The following ADAM22 variants were observed in gnomAD, a reference collection of about 807,000 sequenced individuals.
ADAM22 encodes the protein ADAM metallopeptidase domain 22, also known as disintegrin and metalloproteinase domain-containing protein 22.
ADAM22 carries 65 observed loss-of-function variants against 144.6 expected under a neutral mutation model. The ratio of observed to expected loss-of-function variants is 0.45; its 90% confidence interval spans 0.37 to 0.55. ADAM22 has a LOEUF of 0.55. ADAM22 is among the 20% of genes least tolerant of loss of function. The probability of loss-of-function intolerance (pLI) is 0.00; values close to 1 mark genes in which losing one functional copy is unlikely to be tolerated. For missense variants in ADAM22, 974 were observed against 1,184.9 expected, an observed-to-expected ratio of 0.82 and a Z score of 2.61; for synonymous variants, 391 against 412.6, an observed-to-expected ratio of 0.95 and a Z score of 0.63.
At position 88,145,159 on chromosome 7, in the gene ADAM22, T is replaced by C. The variant is rs370077891; in HGVS notation, c.1355T>C (p.Ile452Thr). 6.1e-5 allele frequency: 98 copies of C among 1,613,844 alleles called. No homozygotes were observed. Among genetic ancestry groups the C allele is most frequent in the South Asian group, 2.4e-4 (22 of 91,046 alleles). The change falls in exon 16 of 32, where the codon ATT becomes ACT. Residue 452 changes from isoleucine (I) to threonine (T), a missense_variant. Around this residue, in one of 2 missense-constraint regions of ADAM22, gnomAD observed 734 missense variants for 950.6 expected, o/e 0.77. Coordinates refer to ENST00000413139, the MANE Select transcript of ADAM22 (RefSeq NM_001324418.2). ...LDPPECGNGF[I>T]ETGEECDCGT... ...CCTCCTGAGTGTGGCAATGGCTTCA[T>C]TGAAACTGGAGAGGAGTGTGATTGT...
chr7:87,998,392 TATC>T (rs778007704), intron 3 of ADAM22, among the ~76,000 whole-genome samples: 1 of 152,118 alleles, frequency 6.6e-6, no homozygotes, highest in Non-Finnish European at 1.5e-5. Context: ...TATCCCGATT[TATC>T]TATTTATTTT....
At chr7:88,073,836 A>G (rs139568734) in intron 3 of ADAM22, among the ~76,000 whole-genome samples, 111 of 152,344 alleles carry the variant, frequency 7.3e-4, no homozygotes, top group Non-Finnish European at 1.4e-3. Context: ...CACCTGCTCA[A>G]GTGTCTGAGA....
intron 2 of ADAM22, among the ~76,000 whole-genome samples, chr7:87,961,365 C>T (rs1847958832): frequency 6.6e-6 from 1 of 152,198 alleles, no homozygotes; most frequent in Non-Finnish European, 1.5e-5. Context: ...GAATCATCTA[C>T]ATTTCTTGTG....
intron 2 of ADAM22, among the ~76,000 whole-genome samples, chr7:87,967,669 A>G (rs1417752733): frequency 6.6e-6 from 1 of 151,920 alleles, no homozygotes; most frequent in Non-Finnish European, 1.5e-5. Flanking sequence ...TTAGCCAGGT[A>G]TGGTGGCGTG....
rs1319192592 is a variant in ADAM22, at chr7:87,945,117, G to A, written c.246+9931G>A. 3.3e-5 allele frequency among the ~76,000 whole-genome samples: 5 copies of A among 152,158 alleles called. No individual in the cohort carries two copies. In the East Asian group the frequency reaches 9.7e-4, roughly 29 times the overall value. On this transcript the variant is annotated intron_variant, in intron 2 of 31. Coordinates refer to ENST00000413139, the MANE Select transcript of ADAM22 (RefSeq NM_001324418.2). ...AGACACTGTGCCTTGCATGGATCAG[G>A]AGATGAGACCATTAAATATTGATTT... is the stretch of plus-strand genomic sequence containing the variant.
In ADAM22 at chr7:88,200,110, G is replaced by C. The variant is rs545484238; in HGVS notation, c.*3619G>C. The stretch of plus-strand genomic sequence containing the variant: ...CCTTTTTTGGGATTTTGTTCTTTAT[G>C]TTTTACAGTTACCTTCGGACCAGAA... On this transcript the variant is annotated 3_prime_UTR_variant, in exon 32 of 32. Coordinates refer to ENST00000413139, the MANE Select transcript of ADAM22 (RefSeq NM_001324418.2). 6.6e-6 allele frequency: 1 copy of C among 152,142 alleles called. No individual in the cohort carries two copies. The highest frequency in any genetic ancestry group is 2.1e-4 in the South Asian group (1 of 4,820). The allele number at this position is 152,142 out of a possible 1,614,324, so 9.4% of individuals were successfully genotyped here. A position where few individuals can be genotyped will look rare whatever the true frequency, so the allele number is the denominator to read the frequency against.
intron 3 of ADAM22, among the ~76,000 whole-genome samples, chr7:87,997,842 A>G (rs1159833878): frequency 6.6e-6 from 1 of 152,228 alleles, no homozygotes; most frequent in African/African-American, 2.4e-5. Context: ...GGATAGATGT[A>G]TATATGAAAG....
chr7:87,956,539 C>T (rs1846808247), intron 2 of ADAM22, among the ~76,000 whole-genome samples: 1 of 152,156 alleles, frequency 6.6e-6, no homozygotes, highest in Non-Finnish European at 1.5e-5. Context: ...GTGCAGCGAT[C>T]ACCACTGTCA....
chr7:88,147,844 C>A (rs770739467), intron 17 of ADAM22, among the ~76,000 whole-genome samples: 29 of 152,076 alleles, frequency 1.9e-4, no homozygotes, highest in Non-Finnish European at 2.2e-4. Flanking sequence ...TGTCTTAGTC[C>A]CAAGGAAGAA....
chr7:88,118,540 G>A (rs749437215), intron 7 of ADAM22, among the ~76,000 whole-genome samples: 2 of 151,812 alleles, frequency 1.3e-5, no homozygotes, highest in Non-Finnish European at 2.9e-5. Flanking sequence ...AATTTAATGG[G>A]TATTACTGGG....
chr7:88,035,058 A>C (rs952320008), intron 3 of ADAM22, among the ~76,000 whole-genome samples: 3 of 152,138 alleles, frequency 2.0e-5, no homozygotes, highest in African/African-American at 7.2e-5. Flanking sequence ...GTTCCTGCAG[A>C]GAGGATGACC....
intron 2 of ADAM22, among the ~76,000 whole-genome samples, chr7:87,940,635 A>G (rs1842299471): frequency 1.3e-5 from 2 of 152,238 alleles, no homozygotes; most frequent in Non-Finnish European, 2.9e-5. Flanking sequence ...TCAGCCCACT[A>G]CTGAAAGCTT....
chr7:87,969,491 C>T (rs1380413337), intron 2 of ADAM22, among the ~76,000 whole-genome samples: 4 of 152,142 alleles, frequency 2.6e-5, no homozygotes, highest in South Asian at 4.1e-4. Context: ...GTGCAAGAGC[C>T]GTATCCAACT....
chr7:88,099,823 T>A (rs1418882006), intron 4 of ADAM22, among the ~76,000 whole-genome samples: 1 of 152,154 alleles, frequency 6.6e-6, no homozygotes, highest in South Asian at 2.1e-4. Context: ...ACAAAATGAA[T>A]TTTGAGGATC....
chr7:88,063,518 A>G (rs1420608934), intron 3 of ADAM22, among the ~76,000 whole-genome samples: 1 of 152,196 alleles, frequency 6.6e-6, no homozygotes, highest in Non-Finnish European at 1.5e-5. Flanking sequence ...AGTCCCAGAA[A>G]GACACTAGAG....
chr7:88,054,536 C>A (rs1303959399), intron 3 of ADAM22, among the ~76,000 whole-genome samples: 1 of 151,612 alleles, frequency 6.6e-6, no homozygotes, highest in Non-Finnish European at 1.5e-5. Context: ...GCTCCATAAT[C>A]ACCATTCTGT....
chr7:87,989,181 G>T (rs1048141224), intron 3 of ADAM22, among the ~76,000 whole-genome samples: 3 of 152,092 alleles, frequency 2.0e-5, no homozygotes, highest in Non-Finnish European at 4.4e-5. Context: ...ATGCCATCAC[G>T]CTATCATTTA....
At chr7:88,088,510 G>GAAAA (rs11404353) in intron 4 of ADAM22, among the ~76,000 whole-genome samples, 6,206 of 146,232 alleles carry the variant, frequency 0.042, 410 homozygotes, top group East Asian at 0.24. Context: ...TCAATGACAG[G>GAAAA]AAAAAAAAAA....
chr7:88,063,873 C>T (rs1337259685), intron 3 of ADAM22, among the ~76,000 whole-genome samples: 1 of 152,186 alleles, frequency 6.6e-6, no homozygotes. Context: ...GATGAGTTCT[C>T]AGAAAATATA....
Sources: allele counts gnomAD v4.1 joint callset (sites outside exome capture counted in the v4.1 genomes callset), GRCh38; gene constraint gnomAD v4.1.1; regional missense constraint gnomAD v4.1.1; transcripts MANE v1.5; gene names NCBI Gene and HGNC (gene_info 2026-07-23, HGNC 2026-07-21).